MACROD2: variants seen among roughly 807,000 people sequenced by gnomAD.
MACROD2 encodes the protein ADP-ribose glycohydrolase MACROD2.
In MACROD2, 36 loss-of-function variants were observed where a neutral mutation model predicts 70.4. The observed-to-expected ratio is 0.51, with a 90% CI of 0.39 to 0.68. The LOEUF is 0.68. MACROD2 is among the 30% of genes least tolerant of loss of function. The pLI is 0.00. For missense variants in MACROD2, 496 were observed against 538.4 expected (o/e 0.92, Z 0.78); for synonymous variants, 172 against 178.8 (o/e 0.96, Z 0.30).
intron 2 of MACROD2, among the ~76,000 whole-genome samples, chr20:14,071,959 A>T (rs1439396059): frequency 2.0e-5 from 3 of 152,294 alleles, no homozygotes; most frequent in Non-Finnish European, 2.9e-5. Flanking sequence ...ACTAAACAGA[A>T]TTTCAGTGTA....
Position 14,821,267 on chromosome 20 carries a change from G to T in MACROD2, c.418+136308G>T, listed in dbSNP as rs572972080. ...GTTAATATCTTAATCTGGCAGTCAGGAATTAGCTTGTATACCCACAACCAC... is the reference window on the plus strand; with the variant it reads ...GTTAATATCTTAATCTGGCAGTCAGTAATTAGCTTGTATACCCACAACCAC... On this transcript the variant is annotated intron_variant, in intron 5 of 17. Transcript: ENST00000684519. 1.2e-4 allele frequency among the ~76,000 whole-genome samples: 19 copies of T among 152,042 alleles called. 1 individual carries two copies. The highest frequency in any genetic ancestry group is 2.8e-4 in the Non-Finnish European group (19 of 67,992).
intron 3 of MACROD2, among the ~76,000 whole-genome samples, chr20:14,400,316 C>T (rs1600202175): frequency 1.3e-5 from 2 of 152,150 alleles, no homozygotes; most frequent in African/African-American, 2.4e-5. Context: ...GGGTTTAATA[C>T]CTTTTGAGTA....
At chr20:14,102,009 T>A (rs2054308085) in intron 3 of MACROD2, among the ~76,000 whole-genome samples, 1 of 138,526 alleles carries the variant, frequency 7.2e-6, no homozygotes, top group Non-Finnish European at 1.6e-5. Flanking sequence ...TTTTTTTTTT[T>A]TTTTTTTTTT....
intron 5 of MACROD2, among the ~76,000 whole-genome samples, chr20:14,769,272 G>A (rs6042908): frequency 0.033 from 5,088 of 152,034 alleles, 258 homozygotes; most frequent in East Asian, 0.11. Context: ...GTGTAAAGAG[G>A]TATTTCTTCT....
intron 3 of MACROD2, among the ~76,000 whole-genome samples, chr20:14,202,630 A>C (rs1424996487): frequency 1.3e-5 from 2 of 152,226 alleles, no homozygotes; most frequent in Non-Finnish European, 2.9e-5. Flanking sequence ...AGAAGTAAAC[A>C]AGAATATAAG....
At chr20:14,441,198 A>G (rs111395103) in intron 3 of MACROD2, among the ~76,000 whole-genome samples, 4 of 152,164 alleles carry the variant, frequency 2.6e-5, no homozygotes, top group Admixed American at 6.5e-5. Flanking sequence ...TGCACCTTTC[A>G]CTTTTACCCT....
At chr20:15,656,984 C>A (rs889461670) in intron 8 of MACROD2, among the ~76,000 whole-genome samples, 4 of 151,838 alleles carry the variant, frequency 2.6e-5, no homozygotes, top group African/African-American at 9.7e-5. Flanking sequence ...ATTTCTAAAT[C>A]TTTGACTCTT....
chr20:14,325,453 T>G (rs1365741845), intron 3 of MACROD2: 27 of 1,257,248 alleles, frequency 2.1e-5, no homozygotes, highest in Non-Finnish European at 3.0e-5. Context: ...ATTGCTTTTT[T>G]TCAGTCTCTT....
chr20:14,077,478 G>A (rs1011798336), intron 2 of MACROD2, among the ~76,000 whole-genome samples: 13 of 152,102 alleles, frequency 8.5e-5, no homozygotes, highest in Admixed American at 2.0e-4. Flanking sequence ...TGTATTGGTC[G>A]TTAAAATTAC....
intron 5 of MACROD2, among the ~76,000 whole-genome samples, chr20:14,689,041 C>T (rs1404669440): frequency 1.3e-5 from 2 of 150,794 alleles, no homozygotes; most frequent in Admixed American, 1.3e-4. Flanking sequence ...ACCTTTACTT[C>T]TCTACATCAT....
chr20:15,411,959 G>T (rs1414966306), intron 6 of MACROD2, among the ~76,000 whole-genome samples: 1 of 152,168 alleles, frequency 6.6e-6, no homozygotes, highest in African/African-American at 2.4e-5. Flanking sequence ...CTTGCTGTGG[G>T]TGTCTTGCAC....
At chr20:14,528,896 A>G (rs1276544887) in intron 4 of MACROD2, among the ~76,000 whole-genome samples, 2 of 152,166 alleles carry the variant, frequency 1.3e-5, no homozygotes, top group Non-Finnish European at 2.9e-5. Context: ...AGGAAGGTAT[A>G]TGAGGCTGGG....
At chr20:16,043,106 A>C (rs2067329731) in intron 16 of MACROD2, among the ~76,000 whole-genome samples, 1 of 152,076 alleles carries the variant, frequency 6.6e-6, no homozygotes. Flanking sequence ...TGGCAGGCTC[A>C]AAGGCGGGCA....
At chr20:15,361,380 T>C (rs1301970948) in intron 6 of MACROD2, among the ~76,000 whole-genome samples, 2 of 152,204 alleles carry the variant, frequency 1.3e-5, no homozygotes, top group Admixed American at 1.3e-4. Flanking sequence ...TGGCCATACA[T>C]GTATGGATCT....
intron 2 of MACROD2, among the ~76,000 whole-genome samples, chr20:14,017,140 CA>C (rs1226084592): frequency 2.6e-5 from 4 of 152,100 alleles, no homozygotes; most frequent in Non-Finnish European, 4.4e-5. Context: ...ATTTTCTTAT[CA>C]ATGTTCATTG....
At chr20:15,209,922 C>T (rs543115725) in intron 5 of MACROD2, among the ~76,000 whole-genome samples, 15 of 152,264 alleles carry the variant, frequency 9.9e-5, no homozygotes, top group African/African-American at 3.4e-4. Context: ...GGATGGTTCT[C>T]CATAGAGTTT....
At chr20:14,536,615 T>C (rs1234832362) in intron 4 of MACROD2, among the ~76,000 whole-genome samples, 1 of 145,364 alleles carries the variant, frequency 6.9e-6, no homozygotes, top group Non-Finnish European at 1.5e-5. Context: ...TGAAACCCAA[T>C]AGGTAACATT....
At chr20:16,006,473 A>G (rs1213912479) in intron 15 of MACROD2, among the ~76,000 whole-genome samples, 1 of 152,204 alleles carries the variant, frequency 6.6e-6, no homozygotes, top group Non-Finnish European at 1.5e-5. Flanking sequence ...CCTTTGAGTG[A>G]TGGTGAACCC....
chr20:15,118,012 T>C lies in MACROD2; in HGVS notation c.419-111928T>C, dbSNP rs900058521. Among the ~76,000 whole-genome samples, 9 of 152,078 alleles carry C rather than the reference T, an allele frequency of 5.9e-5. No homozygotes were observed. In the South Asian group the frequency reaches 1.9e-3, roughly 31 times the overall value. ...TACTTTTTTGTGGCTCTGAAAGATATGCCAACTCAAACTCCTAGGTCTCTC... is the reference window on the plus strand; with the variant it reads ...TACTTTTTTGTGGCTCTGAAAGATACGCCAACTCAAACTCCTAGGTCTCTC... On this transcript the variant is annotated intron_variant, in intron 5 of 17. Coordinates refer to ENST00000684519, the MANE Select transcript of MACROD2 (RefSeq NM_001351661.2).
Sources: gnomAD v4.1 joint callset for allele counts (sites outside exome capture counted in the v4.1 genomes callset) on GRCh38, gnomAD v4.1.1 for gene constraint, MANE v1.5 for transcripts, NCBI Gene and HGNC (gene_info 2026-07-23, HGNC 2026-07-21) for gene names.